Variants in SMG6 observed in about 807,000 individuals in gnomAD.
The protein encoded by SMG6 is telomerase-binding protein EST1A.
In SMG6, 66 loss-of-function variants were observed where a neutral mutation model predicts 142.2. The observed-to-expected ratio is 0.46, with a 90% CI of 0.38 to 0.57. The LOEUF (loss-of-function observed/expected upper bound fraction) is 0.57, where lower values mean the gene tolerates loss of function less well. Among genes scored for constraint, SMG6 ranks in the 20% least tolerant of loss-of-function variants. The probability of loss-of-function intolerance (pLI) is 0.00; values close to 1 mark genes in which losing one functional copy is unlikely to be tolerated. For synonymous variants in SMG6, 779 were observed against 702.4 expected (o/e 1.11, Z -1.72); for missense variants, 1,793 against 1,832.0 (o/e 0.98, Z 0.39).
rs752015858 is a variant in SMG6, at chr17:2,236,451, A to G, written c.2869+41T>C. On this transcript the variant is annotated intron_variant, in intron 10 of 18. Transcript: ENST00000263073. ...CAAGAAAGAAGCTACATTAATCTCT[A>G]TCTGTCTATATTCTAGATGAAGAAA... 1.3e-5 allele frequency: 19 copies of G among 1,511,836 alleles called. No individual in the cohort carries two copies. The South Asian group carries it at 1.7e-4, about 13-fold the overall frequency. 93.7% of individuals were successfully genotyped at this position (1,511,836 alleles called of 1,614,324 possible).
chr17:2,103,432 A>G (rs2069066611), intron 13 of SMG6, among the ~76,000 whole-genome samples: 1 of 152,242 alleles, frequency 6.6e-6, no homozygotes, highest in Non-Finnish European at 1.5e-5. Context: ...GTTTTATGGA[A>G]TCATTAGCAC....
chr17:2,210,812 CATA>C (rs1422581075), intron 10 of SMG6, among the ~76,000 whole-genome samples: 55 of 141,536 alleles, frequency 3.9e-4, no homozygotes, highest in African/African-American at 1.5e-3. Context: ...AAGAAAGACA[CATA>C]ATGAGTGCTT....
chr17:2,291,902 C>A (rs1208530551), intron 6 of SMG6, among the ~76,000 whole-genome samples: 1 of 149,560 alleles, frequency 6.7e-6, no homozygotes, highest in Non-Finnish European at 1.5e-5. Context: ...TGCTAATGAG[C>A]ATCTTATTTG....
chr17:2,069,823 G>A (rs73976193), intron 15 of SMG6, among the ~76,000 whole-genome samples: 2,524 of 152,242 alleles, frequency 0.017, 60 homozygotes, highest in African/African-American at 0.056. Flanking sequence ...TCCTAAACAC[G>A]GGTCTTTTCT....
chr17:2,296,203 C>T (rs980241385), intron 4 of SMG6, among the ~76,000 whole-genome samples: 2 of 152,226 alleles, frequency 1.3e-5, no homozygotes, highest in Non-Finnish European at 2.9e-5. Flanking sequence ...TCGCTTCCCA[C>T]TTTGTTAGCT....
chr17:2,170,536 G>A (rs2071471319), intron 13 of SMG6, among the ~76,000 whole-genome samples: 1 of 152,238 alleles, frequency 6.6e-6, no homozygotes, highest in African/African-American at 2.4e-5. Flanking sequence ...TCTTCCACAT[G>A]TATAAAACAA....
intron 13 of SMG6, among the ~76,000 whole-genome samples, chr17:2,118,161 T>G (rs1166597045): frequency 6.6e-6 from 1 of 152,174 alleles, no homozygotes; most frequent in African/African-American, 2.4e-5. Flanking sequence ...GAGGATCACT[T>G]GAGCCTGGGA....
chr17:2,121,548 T>C lies in SMG6; in HGVS notation c.3358-35647A>G, dbSNP rs555057861. ...ATATAATTATATGATTATTTATATA[T>C]ACACACACACACATATATGTATATA... On this transcript the variant is annotated intron_variant, in intron 13 of 18. Coordinates refer to ENST00000263073, the MANE Select transcript of SMG6 (RefSeq NM_017575.5). Among the ~76,000 whole-genome samples the C allele has an allele frequency of 1.4e-4, 21 of 148,558 alleles. 1 individual carries two copies. Among genetic ancestry groups the C allele is most frequent in the Non-Finnish European group, 3.0e-4 (20 of 67,232 alleles).
rs74600567 is a variant in SMG6 at position 2,112,221 on chromosome 17, T to G, written c.3358-26320A>C. Among the ~76,000 whole-genome samples the G allele has an allele frequency of 3.5e-3, 527 of 149,868 alleles. 5 individuals are homozygous for G. Among genetic ancestry groups the G allele is most frequent in the Non-Finnish European group, 4.8e-3 (325 of 67,514 alleles). On this transcript the variant is annotated intron_variant, in intron 13 of 18. Transcript: ENST00000263073. ...CGCTTCCCTCTTAAAAAAAAAAAAG[T>G]CGGCCGGGCGCGGTGGCTCACGCCT... is the stretch of plus-strand genomic sequence containing the variant.
chr17:2,203,584 A>G (rs1284243568), intron 10 of SMG6, among the ~76,000 whole-genome samples: 3 of 152,214 alleles, frequency 2.0e-5, no homozygotes, highest in Non-Finnish European at 4.4e-5. Context: ...CATACAGCAG[A>G]TATGAGGTGT....
intron 13 of SMG6, among the ~76,000 whole-genome samples, chr17:2,116,861 A>C (rs2069523010): frequency 1.5e-5 from 1 of 64,610 alleles, no homozygotes; most frequent in Admixed American, 1.4e-4. Context: ...ACACCCTATA[A>C]ATCAGTAAGA....
intron 8 of SMG6, among the ~76,000 whole-genome samples, chr17:2,249,534 G>A (rs1235907912): frequency 1.3e-5 from 2 of 152,046 alleles, no homozygotes; most frequent in Non-Finnish European, 2.9e-5. Flanking sequence ...TTGTTGCCCA[G>A]GCTGGTCTCA....
intron 8 of SMG6, among the ~76,000 whole-genome samples, chr17:2,262,074 G>GA (rs985243421): frequency 2.0e-5 from 3 of 151,926 alleles, no homozygotes; most frequent in Non-Finnish European, 4.4e-5. Context: ...TCTTTATCAA[G>GA]AAAAAAAATC....
At chr17:2,133,372 T>C (rs2070187990) in intron 13 of SMG6, among the ~76,000 whole-genome samples, 1 of 152,170 alleles carries the variant, frequency 6.6e-6, no homozygotes, top group African/African-American at 2.4e-5. Context: ...TTTAATTCTT[T>C]GGAAAAAATG....
intron 12 of SMG6, among the ~76,000 whole-genome samples, chr17:2,184,960 CA>C (rs58230459): frequency 1.2e-3 from 26 of 22,472 alleles, no homozygotes; most frequent in African/African-American, 4.4e-3. Context: ...GACTCCATCT[CA>C]AAAAAAAAAA....
chr17:2,302,473 G>A (rs1597248382), intron 1 of SMG6, among the ~76,000 whole-genome samples: 1 of 152,128 alleles, frequency 6.6e-6, no homozygotes, highest in South Asian at 2.1e-4. Flanking sequence ...CCCGGGAGGC[G>A]GAGGTTGCAG....
At chr17:2,174,727 A>G (rs1015214916) in intron 12 of SMG6, among the ~76,000 whole-genome samples, 2 of 152,194 alleles carry the variant, frequency 1.3e-5, no homozygotes, top group Non-Finnish European at 2.9e-5. Context: ...ACTCATTCAC[A>G]AAGCTCCATC....
At chr17:2,192,944 C>A (rs989988260) in intron 10 of SMG6, among the ~76,000 whole-genome samples, 3 of 152,198 alleles carry the variant, frequency 2.0e-5, no homozygotes, top group Admixed American at 6.5e-5. Context: ...AATGAGTCAG[C>A]AGAATCAGGC....
At chr17:2,266,885 T>C (rs2074433267) in intron 8 of SMG6, among the ~76,000 whole-genome samples, 1 of 152,204 alleles carries the variant, frequency 6.6e-6, no homozygotes, top group African/African-American at 2.4e-5. Context: ...GGGCTGCTCC[T>C]TGCAACCCAC....
Sources: gnomAD v4.1 joint callset for allele counts (sites outside exome capture counted in the v4.1 genomes callset) on GRCh38, gnomAD v4.1.1 for gene constraint, MANE v1.5 for transcripts, NCBI Gene and HGNC (gene_info 2026-07-23, HGNC 2026-07-21) for gene names.